Variants in ANK1 observed in about 807,000 individuals in gnomAD.
ANK1 encodes the protein ankyrin 1.
In ANK1, 51 loss-of-function variants were observed where a neutral mutation model predicts 210.4. That is an observed-to-expected ratio of 0.24 (90% CI 0.19 to 0.31). ANK1 has a LOEUF of 0.31. Ranked by LOEUF, ANK1 falls within the 10% of genes least tolerant of loss-of-function variation. The pLI is 1.00. For synonymous variants in ANK1, 967 were observed against 1,025.9 expected, an observed-to-expected ratio of 0.94 and a Z score of 1.10; for missense variants, 2,051 against 2,504.4, an observed-to-expected ratio of 0.82 and a Z score of 3.86.
At chr8:41,782,222 C>G (rs1189036499) in intron 1 of ANK1, among the ~76,000 whole-genome samples, 1 of 152,150 alleles carries the variant, frequency 6.6e-6, no homozygotes, top group Non-Finnish European at 1.5e-5. Context: ...CTGAATATTT[C>G]CATAGAGAGC....
At chr8:41,826,914 T>A (rs1160387658) in intron 1 of ANK1, among the ~76,000 whole-genome samples, 2 of 152,222 alleles carry the variant, frequency 1.3e-5, no homozygotes, top group African/African-American at 4.8e-5. Flanking sequence ...TGCCTTTAAT[T>A]CTCCATCCCG....
At chr8:41,831,254 G>A (rs1006949885) in intron 1 of ANK1, among the ~76,000 whole-genome samples, 2 of 152,134 alleles carry the variant, frequency 1.3e-5, no homozygotes, top group East Asian at 3.9e-4. Flanking sequence ...GGGCAGCTGC[G>A]GGCGCTCATA....
intron 35 of ANK1, 132 bp downstream of exon 35, chr8:41,688,024 C>G (rs1227432918): frequency 8.6e-7 from 1 of 1,160,940 alleles, no homozygotes; most frequent in African/African-American, 1.5e-5. Flanking sequence ...AGACCCAGCT[C>G]AGACAATCAC....
In ANK1 at chr8:41,724,796, C is replaced by T. The variant is rs72638998; in HGVS notation, c.613-242G>A. Among the ~76,000 whole-genome samples, 679 of 152,256 alleles carry T rather than the reference C, an allele frequency of 4.5e-3. 5 individuals carry two copies. Among genetic ancestry groups the T allele is most frequent in the Non-Finnish European group, 7.7e-3 (526 of 68,016 alleles). ...TAACCTCAGACTCTGTGGGCCCGTT[C>T]GTCAGAGTGATCACCGACAAAGAGA... On this transcript the variant is annotated intron_variant, in intron 6 of 42. Coordinates refer to ENST00000289734, the MANE Select transcript of ANK1 (RefSeq NM_000037.4).
At chr8:41,896,623 G>T (rs1010378830) in exon 1 of ANK1, 2 of 1,190,670 alleles carry the variant, frequency 1.7e-6, no homozygotes, top group Non-Finnish European at 2.1e-6. Context: ...CGGCTGCTGC[G>T]GGGTCGCGGG....
chr8:41,890,094 A>G (rs987468887), intron 1 of ANK1, among the ~76,000 whole-genome samples: 6 of 152,276 alleles, frequency 3.9e-5, no homozygotes, highest in African/African-American at 1.4e-4. Context: ...GATTTATTAG[A>G]AAGAATAACT....
chr8:41,811,884 G>T (rs1287096939), intron 1 of ANK1, among the ~76,000 whole-genome samples: 1 of 152,262 alleles, frequency 6.6e-6, no homozygotes, highest in East Asian at 1.9e-4. Context: ...TCTTTCAGAG[G>T]TGGTGATGAC....
rs374512041 is a variant in ANK1 at position 41,717,673 on chromosome 8, G to T, written c.1236C>A (p.Ser412=). ...ESGLTPLHVA[S]FMGHLPIVKN... is the part of the protein sequence containing the mutation. ...TCACGATGGGAAGGTGCCCCATGAAGGAGGCCACGTGGAGAGGTGTCAGGC... is the reference window on the plus strand; with the variant it reads ...TCACGATGGGAAGGTGCCCCATGAATGAGGCCACGTGGAGAGGTGTCAGGC... Residue 412 remains serine, a synonymous_variant, in exon 12 of 43, where the codon TCC becomes TCA. Coordinates refer to ENST00000289734, the MANE Select transcript of ANK1 (RefSeq NM_000037.4). 2.6e-6 allele frequency: 4 copies of T among 1,551,602 alleles called. No homozygotes were observed. Among genetic ancestry groups the T allele is most frequent in the Non-Finnish European group, 3.5e-6 (4 of 1,147,018 alleles).
chr8:41,765,499 C>T (rs1383811570), intron 1 of ANK1, among the ~76,000 whole-genome samples: 1 of 152,134 alleles, frequency 6.6e-6, no homozygotes, highest in Non-Finnish European at 1.5e-5. Flanking sequence ...TTCCCACCTC[C>T]ACCTCCCAAA....
chr8:41,665,150 C>T, intron 39 of ANK1: 1 of 1,536,672 alleles, frequency 6.5e-7, no homozygotes, highest in Non-Finnish European at 8.7e-7. Context: ...CTCCCTATCT[C>T]TCTGGTTTGC....
intron 1 of ANK1, among the ~76,000 whole-genome samples, chr8:41,881,788 C>T (rs1326576499): frequency 6.6e-6 from 1 of 152,172 alleles, no homozygotes; most frequent in African/African-American, 2.4e-5. Flanking sequence ...TCCTGAGCCT[C>T]CCAAGGTCCT....
At chr8:41,712,616 T>C (rs959429798) in intron 16 of ANK1, among the ~76,000 whole-genome samples, 1 of 152,182 alleles carries the variant, frequency 6.6e-6, no homozygotes, top group African/African-American at 2.4e-5. Context: ...GAGCTCATCC[T>C]AAGGAATGCA....
At chr8:41,692,385 C>T (rs1819520594) in intron 31 of ANK1, among the ~76,000 whole-genome samples, 1 of 152,230 alleles carries the variant, frequency 6.6e-6, no homozygotes, top group Non-Finnish European at 1.5e-5. Context: ...GTCCCTGGTG[C>T]ACAAGACCTT....
intron 37 of ANK1, among the ~76,000 whole-genome samples, chr8:41,678,594 C>T (rs1279445086): frequency 1.3e-5 from 2 of 152,210 alleles, no homozygotes; most frequent in South Asian, 2.1e-4. Context: ...GCTGTATTGT[C>T]AAGTTCACTA....
At chr8:41,739,409 T>C (rs1034157965) in intron 2 of ANK1, among the ~76,000 whole-genome samples, 2 of 152,160 alleles carry the variant, frequency 1.3e-5, no homozygotes, top group African/African-American at 4.8e-5. Context: ...ATATTAATCA[T>C]AGTTATTTTA....
At position 41,688,693 on chromosome 8, in the gene ANK1, T is replaced by A. The variant is rs1818381588; in HGVS notation, c.4105-104A>T. 2.6e-5 allele frequency: 25 copies of A among 977,504 alleles called. No individual in the cohort carries two copies. In the South Asian group the frequency reaches 3.0e-4, roughly 12 times the overall value. The allele number at this position is 977,504 out of a possible 1,614,324, so 60.6% of individuals were successfully genotyped here. ...CAGGGGTGTGGAAGGCTGACCCCAG[T>A]CCTGGTAAACAATCAGTCCGTTTCT... On this transcript the variant is annotated intron_variant, in intron 33 of 42. Coordinates refer to ENST00000289734, the MANE Select transcript of ANK1 (RefSeq NM_000037.4).
chr8:41,672,589 C>G lies in ANK1; in HGVS notation c.4861G>C (p.Val1621Leu). The G allele has an allele frequency of 6.2e-7, 1 of 1,614,240 alleles. No homozygotes were observed. The highest frequency in any genetic ancestry group is 8.5e-7 in the Non-Finnish European group (1 of 1,180,038). Residue 1621 changes from valine to leucine, a missense_variant, in exon 38 of 43, where the codon GTG becomes CTG. By Grantham distance (32) the Val-to-Leu change is conservative. Transcript: ENST00000289734. ...TCTGAATCCACTGTGTCGTCCTCCACAAGTTCCAGAGAGCCCAACTCGGGG... is the reference window on the plus strand; with the variant it reads ...TCTGAATCCACTGTGTCGTCCTCCAGAAGTTCCAGAGAGCCCAACTCGGGG... Reference protein sequence around the residue: ...RGPELGSLELVEDDTVDSDAT... With the variant: ...RGPELGSLELLEDDTVDSDAT...
rs542858390 is a variant in ANK1 at position 41,727,197 on chromosome 8, G to C, written c.426+53C>G. ...CCAGGTAGGTGTCACCTGAAGCAAG[G>C]TTGTACACCTGGGAGACTTCTGGTG... On this transcript the variant is annotated intron_variant, in intron 5 of 42. Transcript: ENST00000289734. 5.1e-5 allele frequency: 74 copies of C among 1,442,076 alleles called. 1 individual carries two copies. The South Asian group carries it at 6.1e-4, about 12-fold the overall frequency. The allele number at this position is 1,442,076 out of a possible 1,614,324, so 89.3% of individuals were successfully genotyped here.
chr8:41,774,424 T>G (rs1046387825), intron 1 of ANK1, among the ~76,000 whole-genome samples: 6 of 152,230 alleles, frequency 3.9e-5, no homozygotes, highest in African/African-American at 1.4e-4. Context: ...TGTCCCCACG[T>G]GCTATTATAG....
Sources: gnomAD v4.1 joint callset for allele counts (sites outside exome capture counted in the v4.1 genomes callset) on GRCh38, gnomAD v4.1.1 for gene constraint, MANE v1.5 for transcripts, NCBI Gene and HGNC (gene_info 2026-07-23, HGNC 2026-07-21) for gene names.